The following PPARGC1A variants were observed in gnomAD, a reference collection of about 807,000 sequenced individuals.
PPARGC1A encodes PPARG coactivator 1 alpha.
Under a neutral mutation model 88.7 loss-of-function variants are expected in PPARGC1A, and 25 were observed. The observed-to-expected ratio is 0.28, with a 90% confidence interval of 0.21 to 0.39. The LOEUF (loss-of-function observed/expected upper bound fraction) is 0.39, where lower values mean the gene tolerates loss of function less well. Ranked by LOEUF, PPARGC1A falls within the 10% of genes least tolerant of loss-of-function variation. The pLI is 1.00. For synonymous variants in PPARGC1A, 363 were observed against 355.6 expected (o/e 1.02, Z -0.24); for missense variants, 880 against 968.7 (o/e 0.91, Z 1.22).
chr4:23,802,075 C>G, intron 11 of PPARGC1A, 149 bp downstream of exon 11: 17 of 1,298,618 alleles, frequency 1.3e-5, no homozygotes, highest in Non-Finnish European at 1.8e-5. Flanking sequence ...GATTAATAAA[C>G]AGGGATGAAA....
At position 23,839,271 on chromosome 4, in the gene PPARGC1A, A is replaced by C. The variant is rs1049199670; in HGVS notation, c.235-7520T>G. On this transcript the variant is annotated intron_variant, in intron 2 of 12. Coordinates refer to ENST00000264867, the MANE Select transcript of PPARGC1A (RefSeq NM_013261.5). ...AGAAGTATAAATACAGAAGTTCAAC[A>C]GAAAGTCCTAAAAATTCCTGGTTAA... 2.6e-5 allele frequency among the ~76,000 whole-genome samples: 4 copies of C among 152,178 alleles called. No homozygotes were observed. In the East Asian group the frequency reaches 7.7e-4, roughly 29 times the overall value.
At chr4:23,919,326 G>A in the PPARGC1A span, among the ~76,000 whole-genome samples, 3 of 151,736 alleles carry the variant, frequency 2.0e-5, no homozygotes, top group East Asian at 1.9e-4. Context: ...CTAAAAATTC[G>A]GCTTCACATA....
At chr4:24,191,790 A>AT in the PPARGC1A span, among the ~76,000 whole-genome samples, 1 of 152,244 alleles carries the variant, frequency 6.6e-6, no homozygotes, top group Non-Finnish European at 1.5e-5. Context: ...CATGAGAACA[A>AT]TAAGGCCATA....
chr4:24,417,129 A>G, the PPARGC1A span, among the ~76,000 whole-genome samples: 2 of 152,000 alleles, frequency 1.3e-5, no homozygotes, highest in Non-Finnish European at 2.9e-5. Context: ...GTTGGAAGGG[A>G]GTTAGGGAGG....
chr4:24,225,156 C>A, the PPARGC1A span, among the ~76,000 whole-genome samples: 45 of 152,242 alleles, frequency 3.0e-4, no homozygotes, highest in African/African-American at 9.9e-4. Context: ...TTTAACAGAG[C>A]CTGCTGCTGG....
At chr4:23,973,013 A>C in the PPARGC1A span, among the ~76,000 whole-genome samples, 20 of 152,326 alleles carry the variant, frequency 1.3e-4, 1 homozygote, top group Admixed American at 1.2e-3. Flanking sequence ...ATTCAATTGC[A>C]GGGATTCTAC....
chr4:24,010,183 T>C, the PPARGC1A span, among the ~76,000 whole-genome samples: 1 of 152,188 alleles, frequency 6.6e-6, no homozygotes, highest in Non-Finnish European at 1.5e-5. Context: ...ATCTTTAGTT[T>C]CCTCATTTAC....
At chr4:24,273,363 G>A in the PPARGC1A span, among the ~76,000 whole-genome samples, 1 of 152,180 alleles carries the variant, frequency 6.6e-6, no homozygotes, top group Non-Finnish European at 1.5e-5. Context: ...TTACAAACAT[G>A]TCAAGACTTG....
the PPARGC1A span, among the ~76,000 whole-genome samples, chr4:23,969,893 T>G: frequency 1.3e-5 from 2 of 152,224 alleles, no homozygotes; most frequent in African/African-American, 4.8e-5. Context: ...AGTATGTCCC[T>G]TAATCTTTTC....
At chr4:24,152,315 A>T in the PPARGC1A span, among the ~76,000 whole-genome samples, 1 of 152,174 alleles carries the variant, frequency 6.6e-6, no homozygotes, top group Non-Finnish European at 1.5e-5. Context: ...AAACTCTGAA[A>T]ATCAGCCTTC....
the PPARGC1A span, among the ~76,000 whole-genome samples, chr4:24,409,538 T>C: frequency 6.6e-6 from 1 of 152,210 alleles, no homozygotes; most frequent in Non-Finnish European, 1.5e-5. Flanking sequence ...CAAGCTGTAA[T>C]GAAAAAGAAA....
At chr4:24,212,627 T>C in the PPARGC1A span, among the ~76,000 whole-genome samples, 48 of 152,316 alleles carry the variant, frequency 3.2e-4, no homozygotes, top group African/African-American at 1.1e-3. Context: ...AAAAGGCTTA[T>C]GGTGATAATT....
chr4:24,140,858 C>T, the PPARGC1A span, among the ~76,000 whole-genome samples: 1 of 152,150 alleles, frequency 6.6e-6, no homozygotes, highest in Non-Finnish European at 1.5e-5. Flanking sequence ...GGAGACATTT[C>T]CCCCATCCCA....
the PPARGC1A span, among the ~76,000 whole-genome samples, chr4:24,099,818 A>T: frequency 6.6e-6 from 1 of 151,988 alleles, no homozygotes; most frequent in African/African-American, 2.4e-5. Context: ...AAGAATTTCA[A>T]AATGGGAGAG....
chr4:24,071,342 A>C, the PPARGC1A span, among the ~76,000 whole-genome samples: 1 of 152,160 alleles, frequency 6.6e-6, no homozygotes, highest in East Asian at 1.9e-4. Flanking sequence ...TCCTCATCTA[A>C]TGACAAACTA....
chr4:23,864,455 G>T (rs1731789844), intron 2 of PPARGC1A, among the ~76,000 whole-genome samples: 2 of 152,224 alleles, frequency 1.3e-5, no homozygotes, highest in Non-Finnish European at 2.9e-5. Context: ...AATCAAGTAT[G>T]GTATGTGTGG....
intron 7 of PPARGC1A, among the ~76,000 whole-genome samples, chr4:23,818,839 C>CTTTTTTTTTTTTTTTTTTTTT (rs762478316): frequency 2.0e-5 from 1 of 49,004 alleles, no homozygotes; most frequent in Non-Finnish European, 3.6e-5. Context: ...CCAATGGCAT[C>CTTTTTTTTTTTTTTTTTTTTT]TTTTTTTTTT....
At chr4:24,224,089 G>C in the PPARGC1A span, among the ~76,000 whole-genome samples, 1 of 152,162 alleles carries the variant, frequency 6.6e-6, no homozygotes. Flanking sequence ...GGCATTGATG[G>C]GAAGGGGCAC....
At chr4:24,340,804 G>A in the PPARGC1A span, among the ~76,000 whole-genome samples, 1 of 151,986 alleles carries the variant, frequency 6.6e-6, no homozygotes, top group Admixed American at 6.5e-5. Flanking sequence ...CGTGCTCCAA[G>A]CTATGATCTG....
Sources: gnomAD v4.1 joint callset for allele counts (sites outside exome capture counted in the v4.1 genomes callset) on GRCh38, gnomAD v4.1.1 for gene constraint, MANE v1.5 for transcripts, NCBI Gene and HGNC (gene_info 2026-07-23, HGNC 2026-07-21) for gene names.